GALNT13: variants seen among roughly 807,000 people sequenced by gnomAD.
GALNT13 encodes UDP-GalNAc:polypeptide N-acetylgalactosaminyltransferase 13.
GALNT13 carries 28 observed loss-of-function variants against 64.2 expected under a neutral mutation model. The observed-to-expected ratio is 0.44, with a 90% CI of 0.32 to 0.60. The LOEUF (loss-of-function observed/expected upper bound fraction) is 0.60. GALNT13 is among the 20% of genes least tolerant of loss of function. The pLI is 0.05. For synonymous variants in GALNT13, 214 were observed against 224.6 expected, an observed-to-expected ratio of 0.95 and a Z score of 0.42; for missense variants, 577 against 669.8, an observed-to-expected ratio of 0.86 and a Z score of 1.53.
At chr2:154,321,358 C>A (rs1228914216) in intron 9 of GALNT13, among the ~76,000 whole-genome samples, 1 of 152,104 alleles carries the variant, frequency 6.6e-6, no homozygotes, top group Non-Finnish European at 1.5e-5. Flanking sequence ...TCCCTATATT[C>A]CCGTAGCTGC....
intron 3 of GALNT13, among the ~76,000 whole-genome samples, chr2:154,110,236 G>T (rs1702859691): frequency 7.4e-6 from 1 of 134,684 alleles, no homozygotes; most frequent in Non-Finnish European, 1.6e-5. Flanking sequence ...GGGGGAGCAG[G>T]TGTGGACTAG....
rs369783388 is a variant in GALNT13, at chr2:154,395,884, A to C, written c.1157-107A>C. The C allele has an allele frequency of 3.9e-5, 39 of 993,676 alleles. No homozygotes were observed. The East Asian group carries it at 6.4e-4, about 16-fold the overall frequency. The allele number at this position is 993,676 out of a possible 1,614,324, so 61.6% of individuals were successfully genotyped here. On this transcript the variant is annotated intron_variant, in intron 9 of 12. Transcript: ENST00000392825. Reference sequence around the variant, plus strand: ...GAGTAGCAGCTGCATATGCAATTGAATTTGCTGGAATTATGAAGAAGAAAA... The same window carrying C: ...GAGTAGCAGCTGCATATGCAATTGACTTTGCTGGAATTATGAAGAAGAAAA...
chr2:154,139,322 A>T (rs1015116591), intron 3 of GALNT13, among the ~76,000 whole-genome samples: 1 of 151,890 alleles, frequency 6.6e-6, no homozygotes, highest in Non-Finnish European at 1.5e-5. Context: ...TAACTTAAAA[A>T]TTATTTTCAT....
chr2:153,761,987 C>T, the GALNT13 span: 1 of 176,654 alleles, frequency 5.7e-6, no homozygotes, highest in Admixed American at 5.5e-5. Context: ...ATCTTCTGGC[C>T]ATATTTCATG....
chr2:153,684,687 G>C, the GALNT13 span, among the ~76,000 whole-genome samples: 1 of 151,600 alleles, frequency 6.6e-6, no homozygotes, highest in African/African-American at 2.4e-5. Flanking sequence ...GGGTACATGT[G>C]CAGGTTTGTT....
intron 3 of GALNT13, among the ~76,000 whole-genome samples, chr2:154,041,699 A>C (rs1698987166): frequency 7.1e-6 from 1 of 140,894 alleles, no homozygotes; most frequent in African/African-American, 2.4e-5. Flanking sequence ...CATTTTCTGT[A>C]ATGATATGAA....
intron 3 of GALNT13, among the ~76,000 whole-genome samples, chr2:153,951,052 A>T (rs1692143021): frequency 6.6e-6 from 1 of 152,170 alleles, no homozygotes; most frequent in Non-Finnish European, 1.5e-5. Context: ...ACAAAACTTT[A>T]CAAAAGCCAA....
intron 4 of GALNT13, among the ~76,000 whole-genome samples, chr2:154,201,134 T>A (rs1035550666): frequency 6.6e-6 from 1 of 152,154 alleles, no homozygotes; most frequent in African/African-American, 2.4e-5. Flanking sequence ...GCTAGCCAAC[T>A]GAAGAAATTG....
the GALNT13 span, among the ~76,000 whole-genome samples, chr2:153,333,495 GT>G: frequency 6.6e-6 from 1 of 152,040 alleles, no homozygotes; most frequent in Non-Finnish European, 1.5e-5. Flanking sequence ...TTGATTTAAA[GT>G]TCACAGAGTT....
At chr2:153,237,914 T>C in the GALNT13 span, among the ~76,000 whole-genome samples, 2 of 152,124 alleles carry the variant, frequency 1.3e-5, no homozygotes, top group Non-Finnish European at 2.9e-5. Context: ...TCAAAACTGT[T>C]CTCCATAGTG....
the GALNT13 span, among the ~76,000 whole-genome samples, chr2:153,387,487 T>G: frequency 1.3e-5 from 2 of 152,118 alleles, no homozygotes; most frequent in African/African-American, 4.8e-5. Flanking sequence ...TGACTAACTT[T>G]GTCGTAAAGG....
At chr2:153,889,109 T>C (rs1036315923) in intron 1 of GALNT13, among the ~76,000 whole-genome samples, 3 of 98,568 alleles carry the variant, frequency 3.0e-5, no homozygotes, top group Non-Finnish European at 8.6e-5. Flanking sequence ...GGAAAGTTGA[T>C]TTTTCATTTT....
the GALNT13 span, among the ~76,000 whole-genome samples, chr2:153,244,004 A>C: frequency 1.3e-5 from 2 of 151,178 alleles, no homozygotes; most frequent in East Asian, 1.9e-4. Flanking sequence ...TTAAAGATGC[A>C]CTAATGCAAA....
intron 3 of GALNT13, among the ~76,000 whole-genome samples, chr2:153,963,779 GTGTT>G (rs1352347119): frequency 7.4e-6 from 1 of 135,206 alleles, no homozygotes; most frequent in Non-Finnish European, 1.6e-5. Flanking sequence ...GTGTGTGTGT[GTGTT>G]TGGCCAGACT....
intron 2 of GALNT13, among the ~76,000 whole-genome samples, chr2:153,936,516 C>A (rs1690928712): frequency 6.6e-6 from 1 of 152,060 alleles, no homozygotes; most frequent in Non-Finnish European, 1.5e-5. Flanking sequence ...TGGCCTGAAA[C>A]AGCAGCCCTG....
chr2:153,431,939 T>C, the GALNT13 span, among the ~76,000 whole-genome samples: 2,718 of 152,310 alleles, frequency 0.018, 73 homozygotes, highest in African/African-American at 0.061. Flanking sequence ...ATTGCAGCTG[T>C]AATAGCTCCT....
intron 3 of GALNT13, among the ~76,000 whole-genome samples, chr2:154,104,317 C>A (rs1045174504): frequency 3.7e-4 from 57 of 152,134 alleles, no homozygotes; most frequent in African/African-American, 1.2e-3. Context: ...CTGGTCTGCC[C>A]TCCGATGCAA....
chr2:153,258,156 T>C, the GALNT13 span, among the ~76,000 whole-genome samples: 2 of 152,212 alleles, frequency 1.3e-5, no homozygotes, highest in African/African-American at 2.4e-5. Flanking sequence ...GGAAAGCCTA[T>C]GTAAAAAATA....
At chr2:153,261,716 T>C in the GALNT13 span, among the ~76,000 whole-genome samples, 1 of 150,678 alleles carries the variant, frequency 6.6e-6, no homozygotes, top group Admixed American at 6.6e-5. Flanking sequence ...GCCCAAGGGC[T>C]CTACAATCAG....
Sources: allele counts gnomAD v4.1 joint callset (sites outside exome capture counted in the v4.1 genomes callset), GRCh38; gene constraint gnomAD v4.1.1; transcripts MANE v1.5; gene names NCBI Gene and HGNC (gene_info 2026-07-23, HGNC 2026-07-21).